UBAP2: variants seen among roughly 807,000 people sequenced by gnomAD.
The protein encoded by UBAP2 is ubiquitin associated protein 2, also known as ubiquitin-associated protein 2.
Under a neutral mutation model 139.6 loss-of-function variants are expected in UBAP2, and 75 were observed. The ratio of observed to expected loss-of-function variants is 0.54; its 90% CI spans 0.45 to 0.65. UBAP2 has a LOEUF of 0.65. Among genes scored for constraint, UBAP2 ranks in the 30% least tolerant of loss-of-function variants. UBAP2 has a pLI of 0.00. For synonymous variants in UBAP2, 526 were observed against 526.2 expected, an observed-to-expected ratio of 1.00 and a Z score of 0.01; for missense variants, 1,368 against 1,369.6, an observed-to-expected ratio of 1.00 and a Z score of 0.02.
At chr9:33,969,872 C>A (rs1241692739) in intron 8 of UBAP2, among the ~76,000 whole-genome samples, 1 of 149,730 alleles carries the variant, frequency 6.7e-6, no homozygotes, top group South Asian at 2.1e-4. Context: ...AAACACCCCC[C>A]CACCCCCAAA....
chr9:33,962,701 G>A (rs1827160988), intron 9 of UBAP2, among the ~76,000 whole-genome samples: 1 of 145,136 alleles, frequency 6.9e-6, no homozygotes, highest in South Asian at 2.2e-4. Context: ...ATAGGGCCTG[G>A]AGCAGTGGCT....
At chr9:33,954,947 A>C (rs1826424931) in intron 11 of UBAP2, among the ~76,000 whole-genome samples, 1 of 152,150 alleles carries the variant, frequency 6.6e-6, no homozygotes, top group South Asian at 2.1e-4. Context: ...CTTTGAAACC[A>C]CTTTCAAAGG....
intron 15 of UBAP2, 75 bp downstream of exon 15, chr9:33,943,345 A>C: frequency 6.9e-7 from 1 of 1,455,182 alleles, no homozygotes; most frequent in East Asian, 2.3e-5. Flanking sequence ...CTATTACCAC[A>C]GGATGTATTC....
At chr9:34,035,401 C>A (rs967194031) in intron 1 of UBAP2, among the ~76,000 whole-genome samples, 2 of 149,108 alleles carry the variant, frequency 1.3e-5, no homozygotes, top group Non-Finnish European at 3.0e-5. Context: ...ACTTGGGAGG[C>A]TGAGGTGGGA....
intron 2 of UBAP2, among the ~76,000 whole-genome samples, chr9:33,999,083 C>A (rs182546047): frequency 6.6e-6 from 1 of 152,140 alleles, no homozygotes; most frequent in African/African-American, 2.4e-5. Flanking sequence ...TTTGACCAAA[C>A]GACCTAAAGC....
At chr9:34,043,924 T>C (rs139649082) in intron 1 of UBAP2, among the ~76,000 whole-genome samples, 94 of 148,240 alleles carry the variant, frequency 6.3e-4, no homozygotes, top group African/African-American at 2.2e-3. Context: ...GGTCAGGAGT[T>C]CAAAACCAGC....
chr9:33,933,423 C>T (rs1194130476), intron 18 of UBAP2, 67 bp downstream of exon 18: 1 of 1,564,430 alleles, frequency 6.4e-7, no homozygotes, highest in Admixed American at 1.8e-5. Flanking sequence ...ATGAAAGCAA[C>T]CTTCTACAGG....
intron 10 of UBAP2, among the ~76,000 whole-genome samples, chr9:33,958,859 T>TA (rs1297858458): frequency 6.6e-6 from 1 of 150,708 alleles, no homozygotes; most frequent in African/African-American, 2.4e-5. Context: ...TCTCTAAAAT[T>TA]AAAAAAAGGC....
intron 5 of UBAP2, among the ~76,000 whole-genome samples, chr9:33,987,283 G>A (rs1044236920): frequency 6.6e-5 from 10 of 152,116 alleles, no homozygotes; most frequent in African/African-American, 1.4e-4. Flanking sequence ...GTGGTGGCGC[G>A]CACCTATAGT....
At chr9:34,030,555 C>A (rs947240545) in intron 1 of UBAP2, among the ~76,000 whole-genome samples, 12 of 152,094 alleles carry the variant, frequency 7.9e-5, no homozygotes, top group African/African-American at 2.9e-4. Context: ...CCTGGGAGGT[C>A]AAGGCTGCAG....
chr9:34,003,870 CCA>C (rs1394599425), intron 2 of UBAP2, among the ~76,000 whole-genome samples: 1 of 152,100 alleles, frequency 6.6e-6, no homozygotes, highest in East Asian at 1.9e-4. Flanking sequence ...CAGGCACATG[CCA>C]CAATGCCCGG....
intron 6 of UBAP2, among the ~76,000 whole-genome samples, chr9:33,978,262 G>A (rs1437395490): frequency 6.6e-6 from 1 of 151,894 alleles, no homozygotes; most frequent in Non-Finnish European, 1.5e-5. Context: ...AGCTGGGTCT[G>A]GTGGCTCATG....
At chr9:33,928,734 G>T (rs947905480) in intron 19 of UBAP2, 8 of 152,362 alleles carry the variant, frequency 5.3e-5, no homozygotes, top group African/African-American at 1.9e-4. Flanking sequence ...CAGGTAGGTG[G>T]GGGGCACACC....
intron 16 of UBAP2, among the ~76,000 whole-genome samples, chr9:33,941,122 A>G (rs1386478575): frequency 6.6e-6 from 1 of 152,212 alleles, no homozygotes; most frequent in African/African-American, 2.4e-5. Context: ...ACTTAACAGA[A>G]AGCAATACAA....
intron 11 of UBAP2, among the ~76,000 whole-genome samples, chr9:33,954,269 T>TACACACACACACAC (rs60078088): frequency 0.078 from 10,849 of 139,660 alleles, 498 homozygotes; most frequent in Middle Eastern, 0.15. Flanking sequence ...TGTGTGTATA[T>TACACACACACACAC]ACACACACAC....
chr9:33,977,148 C>A (rs1820203384), intron 6 of UBAP2, among the ~76,000 whole-genome samples: 1 of 150,750 alleles, frequency 6.6e-6, no homozygotes, highest in African/African-American at 2.4e-5. Context: ...AGGCAATTCT[C>A]CCGCCTCAGC....
intron 19 of UBAP2, among the ~76,000 whole-genome samples, chr9:33,930,063 T>G (rs950367394): frequency 2.0e-5 from 3 of 151,602 alleles, no homozygotes; most frequent in Non-Finnish European, 4.4e-5. Flanking sequence ...ATAAAGGAAA[T>G]CAAATGGTTT....
intron 1 of UBAP2, among the ~76,000 whole-genome samples, chr9:34,027,633 G>A (rs182095344): frequency 1.1e-3 from 171 of 151,982 alleles, no homozygotes; most frequent in Middle Eastern, 3.4e-3. Context: ...CAAGGCAGGC[G>A]AGTCATGAGG....
At chr9:33,998,935 A>G in intron 2 of UBAP2, 71 bp from the exon 3 acceptor site, 3 of 1,274,110 alleles carry the variant, frequency 2.4e-6, no homozygotes, top group Non-Finnish European at 3.4e-6. Context: ...ATCTGGGTCA[A>G]ACAGATAAGG....
Sources: allele counts gnomAD v4.1 joint callset (sites outside exome capture counted in the v4.1 genomes callset), GRCh38; gene constraint gnomAD v4.1.1; transcripts MANE v1.5; gene names NCBI Gene and HGNC (gene_info 2026-07-23, HGNC 2026-07-21).